Variants in C4orf36 observed in about 807,000 individuals in gnomAD.
The protein encoded by C4orf36 is uncharacterized protein C4orf36.
A neutral mutation model predicts 12.2 loss-of-function variants in C4orf36; 11 were observed. That is an observed-to-expected ratio of 0.90 (90% CI 0.57 to 1.49). C4orf36 has a LOEUF of 1.49. Ranked by LOEUF, C4orf36 falls within the 40% of genes most tolerant of loss-of-function variation. The probability of loss-of-function intolerance (pLI) is 0.00; values close to 1 mark genes in which losing one functional copy is unlikely to be tolerated. For synonymous variants in C4orf36, 54 were observed against 51.3 expected (o/e 1.05, Z -0.22); for missense variants, 137 against 133.9 (o/e 1.02, Z -0.11).
At chr4:86,908,218 C>CACACACACACACACACACACAT in the C4orf36 span, among the ~76,000 whole-genome samples, 2 of 148,594 alleles carry the variant, frequency 1.3e-5, no homozygotes, top group African/African-American at 2.5e-5. Flanking sequence ...CACACACACA[C>CACACACACACACACACACACAT]GTTGCTGGTG....
chr4:86,882,670 G>A (rs1338279469), intron 4 of C4orf36, among the ~76,000 whole-genome samples: 1 of 152,178 alleles, frequency 6.6e-6, no homozygotes, highest in Non-Finnish European at 1.5e-5. Context: ...GGCTGCTCAT[G>A]AACTGTGTCT....
At chr4:86,919,759 G>C in the C4orf36 span, among the ~76,000 whole-genome samples, 1 of 152,134 alleles carries the variant, frequency 6.6e-6, no homozygotes, top group Non-Finnish European at 1.5e-5. Context: ...ACCCAGCTGG[G>C]TGTGGTGGCT....
the C4orf36 span, among the ~76,000 whole-genome samples, chr4:86,902,912 TA>T: frequency 6.6e-6 from 1 of 151,180 alleles, no homozygotes; most frequent in Non-Finnish European, 1.5e-5. Flanking sequence ...AACAGTGTAA[TA>T]AAAAAAAATA....
intron 4 of C4orf36, among the ~76,000 whole-genome samples, chr4:86,881,110 G>A (rs1263188831): frequency 6.6e-6 from 1 of 151,188 alleles, no homozygotes; most frequent in East Asian, 1.9e-4. Context: ...TTGTTGTGTA[G>A]ATCACTTTTA....
the C4orf36 span, among the ~76,000 whole-genome samples, chr4:86,909,717 C>A: frequency 6.6e-6 from 1 of 151,978 alleles, no homozygotes; most frequent in Non-Finnish European, 1.5e-5. Flanking sequence ...TTGCTTACAA[C>A]ACCTCAAATC....
chr4:86,881,690 T>C (rs1747058890), intron 4 of C4orf36, among the ~76,000 whole-genome samples: 1 of 152,110 alleles, frequency 6.6e-6, no homozygotes, highest in Admixed American at 6.6e-5. Context: ...TTTTTTTTTT[T>C]GAGATGGAGT....
At chr4:86,927,089 A>C in the C4orf36 span, among the ~76,000 whole-genome samples, 3 of 152,218 alleles carry the variant, frequency 2.0e-5, no homozygotes, top group Non-Finnish European at 4.4e-5. Flanking sequence ...TTTACAGAAA[A>C]AGTATGCCCA....
chr4:86,914,391 C>CTTTTTTTTTTTTTTTTTTTTTTTT, the C4orf36 span: 1 of 270,246 alleles, frequency 3.7e-6, no homozygotes, highest in African/African-American at 4.1e-5. Flanking sequence ...CTTCTTCTTC[C>CTTTTTTTTTTTTTTTTTTTTTTTT]TTTTTTTTTT....
chr4:86,929,736 A>C, the C4orf36 span, among the ~76,000 whole-genome samples: 3 of 152,228 alleles, frequency 2.0e-5, no homozygotes, highest in African/African-American at 7.2e-5. Context: ...AGTACCTGAC[A>C]GTAGCTATTT....
chr4:86,933,649 GA>G, the C4orf36 span: 21 of 152,320 alleles, frequency 1.4e-4, 1 homozygote, highest in East Asian at 3.5e-3. Context: ...ATTTCACAAT[GA>G]AATGTATTCA....
chr4:86,933,186 AT>A, the C4orf36 span: 2 of 152,194 alleles, frequency 1.3e-5, no homozygotes, highest in African/African-American at 4.8e-5. Flanking sequence ...TTTATTCATT[AT>A]CAGAAAATTA....
the C4orf36 span, among the ~76,000 whole-genome samples, chr4:86,929,808 T>A: frequency 8.6e-3 from 1,313 of 152,172 alleles, 24 homozygotes; most frequent in African/African-American, 0.03. Context: ...AGGGAGAGAT[T>A]TAAGAGGAAA....
chr4:86,912,445 G>T, the C4orf36 span, among the ~76,000 whole-genome samples: 3 of 152,132 alleles, frequency 2.0e-5, no homozygotes, highest in Non-Finnish European at 4.4e-5. Flanking sequence ...CCCTCTTTTA[G>T]TCTGGACCCA....
chr4:86,888,035 G>A (rs1747245267), intron 3 of C4orf36, 86 bp downstream of exon 3: 1 of 1,542,154 alleles, frequency 6.5e-7, no homozygotes, highest in African/African-American at 1.4e-5. Flanking sequence ...AGGTATGGGT[G>A]TAAATACACA....
the C4orf36 span, among the ~76,000 whole-genome samples, chr4:86,900,159 C>A: frequency 6.7e-6 from 1 of 150,234 alleles, no homozygotes; most frequent in Non-Finnish European, 1.5e-5. Flanking sequence ...CCTCAGCCTC[C>A]CGTGTAGCTG....
intron 4 of C4orf36, among the ~76,000 whole-genome samples, chr4:86,877,699 G>A (rs556149262): frequency 2.8e-4 from 43 of 152,108 alleles, no homozygotes; most frequent in African/African-American, 8.7e-4. Flanking sequence ...AGAAAATATC[G>A]GGATAATTCA....
chr4:86,910,165 G>A, the C4orf36 span, among the ~76,000 whole-genome samples: 7 of 152,086 alleles, frequency 4.6e-5, 1 homozygote, highest in Admixed American at 4.6e-4. Flanking sequence ...GATGAAGCTG[G>A]GTGTGGTTCC....
the C4orf36 span, among the ~76,000 whole-genome samples, chr4:86,926,904 A>C: frequency 1.4e-4 from 21 of 152,208 alleles, no homozygotes; most frequent in African/African-American, 4.8e-4. Flanking sequence ...GGGCCTCAAC[A>C]AACCATGGGA....
At chr4:86,928,295 G>A in the C4orf36 span, among the ~76,000 whole-genome samples, 1 of 152,336 alleles carries the variant, frequency 6.6e-6, no homozygotes, top group South Asian at 2.1e-4. Flanking sequence ...AGGAGGCAGG[G>A]CTGTTCATTG....
Sources: allele counts gnomAD v4.1 joint callset (sites outside exome capture counted in the v4.1 genomes callset), GRCh38; gene constraint gnomAD v4.1.1; transcripts MANE v1.5; gene names NCBI Gene and HGNC (gene_info 2026-07-23, HGNC 2026-07-21).